MTMR10: variants seen among roughly 807,000 people sequenced by gnomAD.
MTMR10 encodes the protein myotubularin-related protein 10.
In MTMR10, 56 loss-of-function variants were observed where a neutral mutation model predicts 88.1. That is an observed-to-expected ratio of 0.64 (90% confidence interval 0.51 to 0.79). The LOEUF is 0.79. Ranked by LOEUF, MTMR10 falls within the 30% of genes least tolerant of loss-of-function variation. The probability of loss-of-function intolerance (pLI) is 0.00; values close to 1 mark genes in which losing one functional copy is unlikely to be tolerated. For missense variants in MTMR10, 883 were observed against 924.7 expected (o/e 0.95, Z 0.58); for synonymous variants, 380 against 340.9 (o/e 1.11, Z -1.26).
At chr15:30,970,758 C>A (rs891043413) in intron 5 of MTMR10, among the ~76,000 whole-genome samples, 1 of 151,970 alleles carries the variant, frequency 6.6e-6, no homozygotes, top group Admixed American at 6.6e-5. Context: ...CCCAACACAG[C>A]GTATTTTTTA....
At position 30,974,360 on chromosome 15, in the gene MTMR10, A is replaced by G. The variant is rs752834519; in HGVS notation, c.428T>C (p.Ile143Thr). Residue 143 changes from isoleucine to threonine, a missense_variant, in exon 5 of 16, where the codon ATT becomes ACT. This residue lies in a region of MTMR10 where 414 missense variants were observed against 423.2 expected (regional missense o/e 0.98). Transcript: ENST00000435680. ...ELIIYCKDFRIVRFRFDESGP... is the reference protein window; with the variant it reads ...ELIIYCKDFRTVRFRFDESGP... Reference sequence around the variant, plus strand: ...TGATTCATCAAAGCGAAATCTGACAATTCTGAAATCTTTACAATAAATAAT... The same window carrying G: ...TGATTCATCAAAGCGAAATCTGACAGTTCTGAAATCTTTACAATAAATAAT... 77 of 1,607,090 alleles carry G rather than the reference A, an allele frequency of 4.8e-5. 1 individual carries two copies. The highest frequency in any genetic ancestry group is 3.4e-5 in the Admixed American group (2 of 59,614).
downstream of MTMR10, among the ~76,000 whole-genome samples, chr15:30,935,121 A>G (rs2140966709): frequency 6.6e-6 from 1 of 152,080 alleles, no homozygotes; most frequent in Non-Finnish European, 1.5e-5. Flanking sequence ...GCTTGGGCAA[A>G]CACAGTGAGA....
At chr15:30,927,555 C>T in the MTMR10 span, 5 of 985,602 alleles carry the variant, frequency 5.1e-6, no homozygotes, top group African/African-American at 8.7e-5. Flanking sequence ...CCTCTGCTCT[C>T]ACAGCACCCC....
At chr15:30,975,181 A>G (rs1217084460) in intron 3 of MTMR10, among the ~76,000 whole-genome samples, 178 bp from the exon 4 acceptor site, 2 of 152,184 alleles carry the variant, frequency 1.3e-5, no homozygotes, top group Admixed American at 6.5e-5. Context: ...TAAAATGTAC[A>G]CAACAATCTT....
At chr15:30,944,742 GGCT>G (rs888805022) in intron 14 of MTMR10, among the ~76,000 whole-genome samples, 1 of 152,014 alleles carries the variant, frequency 6.6e-6, no homozygotes, top group African/African-American at 2.4e-5. Flanking sequence ...CAAGCACGGT[GGCT>G]CACGCCTGTA....
chr15:30,920,369 C>T, the MTMR10 span, among the ~76,000 whole-genome samples: 156 of 152,236 alleles, frequency 1.0e-3, 1 homozygote, highest in Non-Finnish European at 1.9e-3. Flanking sequence ...TGACCTAGGA[C>T]GTGGTAGCTG....
At position 30,952,104 on chromosome 15, in the gene MTMR10, G is replaced by T. The variant is rs557655664; in HGVS notation, c.1137-66C>A. On this transcript the variant is annotated intron_variant, in intron 11 of 15. Transcript: ENST00000435680. Reference sequence around the variant, plus strand: ...TCCACTACAAATACATAAAGTACTTGAAATCAAGCAAATCTAATTTCTCAC... The same window carrying T: ...TCCACTACAAATACATAAAGTACTTTAAATCAAGCAAATCTAATTTCTCAC... The T allele has an allele frequency of 2.3e-5, 30 of 1,304,762 alleles. No individual in the cohort carries two copies. In the African/African-American group the frequency reaches 4.4e-4, roughly 19 times the overall value. The allele number at this position is 1,304,762 out of a possible 1,614,324, so 80.8% of individuals were successfully genotyped here.
the MTMR10 span, chr15:30,929,497 T>C: frequency 2.8e-6 from 2 of 713,088 alleles, no homozygotes; most frequent in Non-Finnish European, 4.6e-6. Flanking sequence ...TGTGTATATG[T>C]AAATACATGT....
chr15:30,936,100 A>C (rs1236866037), downstream of MTMR10, among the ~76,000 whole-genome samples: 1 of 143,690 alleles, frequency 7.0e-6, no homozygotes, highest in African/African-American at 2.5e-5. Flanking sequence ...ATTTTTTTCT[A>C]TATTTTACCT....
rs1356386596 is a variant in MTMR10, at chr15:30,947,319, C to T, written c.1378-19G>A. Reference sequence around the variant, plus strand: ...AAGGAGACTGGCAAATACAAAGAGACAATGGGATCATTTAATGTTATCCTT... The same window carrying T: ...AAGGAGACTGGCAAATACAAAGAGATAATGGGATCATTTAATGTTATCCTT... On this transcript the variant is annotated intron_variant, in intron 13 of 15. Transcript: ENST00000435680. 2.5e-6 allele frequency: 4 copies of T among 1,608,442 alleles called. No homozygotes were observed. Among genetic ancestry groups the T allele is most frequent in the East Asian group, 2.2e-5 (1 of 44,810 alleles).
intron 2 of MTMR10, among the ~76,000 whole-genome samples, chr15:30,990,133 G>A (rs1173189069): frequency 3.3e-5 from 5 of 152,008 alleles, no homozygotes; most frequent in African/African-American, 1.2e-4. Flanking sequence ...CCCAGAGGTA[G>A]GGGACAAAAA....
chr15:30,978,649 G>A (rs961388294), intron 2 of MTMR10, among the ~76,000 whole-genome samples: 2 of 152,136 alleles, frequency 1.3e-5, no homozygotes, highest in Admixed American at 6.5e-5. Context: ...AGGTGAGGAA[G>A]GCAGATGGTT....
the MTMR10 span, among the ~76,000 whole-genome samples, chr15:30,926,184 A>C: frequency 6.6e-6 from 1 of 152,148 alleles, no homozygotes; most frequent in East Asian, 1.9e-4. Flanking sequence ...AAAGTTATGG[A>C]AGGTACTGCA....
chr15:30,922,401 C>G, the MTMR10 span: 2 of 1,557,304 alleles, frequency 1.3e-6, no homozygotes, highest in Admixed American at 2.1e-5. Context: ...ATTTTAGAAT[C>G]AACTTTTAAA....
At chr15:30,933,927 A>AT in the MTMR10 span, among the ~76,000 whole-genome samples, 2 of 151,506 alleles carry the variant, frequency 1.3e-5, no homozygotes, top group Non-Finnish European at 2.9e-5. Flanking sequence ...TGCCCAGCTG[A>AT]TTTTTTTTAT....
rs772709679 is a variant in MTMR10, at chr15:30,941,733, C to G, written c.2071G>C (p.Val691Leu). 2.5e-6 allele frequency: 4 copies of G among 1,613,950 alleles called. No individual in the cohort carries two copies. Among genetic ancestry groups the G allele is most frequent in the South Asian group, 2.2e-5 (2 of 91,070 alleles). ...TGTTGCCGCAGCATCCTGCTCAGTACGTCGACTTCATCAGCCAGGAGGGAG... is the reference window on the plus strand; with the variant it reads ...TGTTGCCGCAGCATCCTGCTCAGTAGGTCGACTTCATCAGCCAGGAGGGAG... ...KLSLLADEVD[V>L]LSRMLRQQRS... is the part of the protein sequence containing the mutation. Residue 691 changes from valine (V) to leucine (L), a missense_variant, in exon 16 of 16, where the codon GTA becomes CTA. Physicochemically the swap from Val to Leu is conservative, Grantham distance 32. Coordinates refer to ENST00000435680, the MANE Select transcript of MTMR10 (RefSeq NM_017762.3).
At chr15:30,963,898 A>T (rs1039891868) in intron 6 of MTMR10, among the ~76,000 whole-genome samples, 1 of 152,196 alleles carries the variant, frequency 6.6e-6, no homozygotes, top group Non-Finnish European at 1.5e-5. Flanking sequence ...GCTATTCAAT[A>T]TTAGAAAATC....
chr15:30,988,050 C>T (rs529711641), intron 2 of MTMR10, among the ~76,000 whole-genome samples: 1 of 152,308 alleles, frequency 6.6e-6, no homozygotes, highest in South Asian at 2.1e-4. Context: ...AAGCTCTAGC[C>T]TAGTCTAGGT....
downstream of MTMR10, among the ~76,000 whole-genome samples, chr15:30,936,441 C>T (rs1018109861): frequency 1.3e-5 from 2 of 152,108 alleles, no homozygotes; most frequent in Non-Finnish European, 2.9e-5. Context: ...ACAGAGTAAT[C>T]GGAGGGTTTT....
Sources: allele counts gnomAD v4.1 joint callset (sites outside exome capture counted in the v4.1 genomes callset), GRCh38; gene constraint gnomAD v4.1.1; regional missense constraint gnomAD v4.1.1; transcripts MANE v1.5; gene names NCBI Gene and HGNC (gene_info 2026-07-23, HGNC 2026-07-21).